Variants in PTPRM observed in about 807,000 individuals in gnomAD.
PTPRM encodes the protein receptor-type tyrosine-protein phosphatase mu.
PTPRM carries 47 observed loss-of-function variants against 186.7 expected under a neutral mutation model. That is an observed-to-expected ratio of 0.25 (90% CI 0.20 to 0.32). The LOEUF is 0.32. Among genes scored for constraint, PTPRM ranks in the 10% least tolerant of loss-of-function variants. PTPRM has a pLI of 1.00. For missense variants in PTPRM, 1,494 were observed against 1,865.0 expected (o/e 0.80, Z 3.66); for synonymous variants, 668 against 674.9 (o/e 0.99, Z 0.16).
chr18:8,187,864 C>T (rs914101269), intron 14 of PTPRM, among the ~76,000 whole-genome samples: 5 of 152,216 alleles, frequency 3.3e-5, no homozygotes, highest in Admixed American at 1.3e-4. Flanking sequence ...AGAGCAGTTC[C>T]ACTGGGCACA....
chr18:8,070,519 A>AT (rs2089404046), intron 8 of PTPRM, among the ~76,000 whole-genome samples: 1 of 152,246 alleles, frequency 6.6e-6, no homozygotes, highest in Non-Finnish European at 1.5e-5. Flanking sequence ...CACAGGAACA[A>AT]TGTTGAAACC....
chr18:7,666,771 A>G (rs772010889), intron 1 of PTPRM, among the ~76,000 whole-genome samples: 1 of 152,244 alleles, frequency 6.6e-6, no homozygotes, highest in South Asian at 2.1e-4. Flanking sequence ...AACAATTTGC[A>G]TAGCAGTTTA....
intron 19 of PTPRM, among the ~76,000 whole-genome samples, chr18:8,277,051 C>G (rs2094844568): frequency 6.6e-6 from 1 of 151,982 alleles, no homozygotes; most frequent in Non-Finnish European, 1.5e-5. Context: ...ATTCTCCTGC[C>G]TCAGCCCCCT....
intron 11 of PTPRM, among the ~76,000 whole-genome samples, chr18:8,094,290 T>C (rs1456472871): frequency 6.6e-6 from 1 of 152,072 alleles, no homozygotes; most frequent in African/African-American, 2.4e-5. Flanking sequence ...GGAGGATTGT[T>C]TGAGCTCAGG....
intron 4 of PTPRM, among the ~76,000 whole-genome samples, chr18:7,923,918 T>G (rs2051019069): frequency 6.6e-6 from 1 of 152,144 alleles, no homozygotes; most frequent in Admixed American, 6.5e-5. Context: ...AGAAGTTCCT[T>G]CAAAAAAAGA....
At chr18:8,400,791 T>G (rs2095868460) in intron 32 of PTPRM, among the ~76,000 whole-genome samples, 1 of 152,160 alleles carries the variant, frequency 6.6e-6, no homozygotes, top group South Asian at 2.1e-4. Context: ...CCTACAGCTC[T>G]CCCCCTTGTG....
At chr18:8,140,878 G>T (rs771903669) in intron 13 of PTPRM, among the ~76,000 whole-genome samples, 1 of 152,120 alleles carries the variant, frequency 6.6e-6, no homozygotes, top group African/African-American at 2.4e-5. Flanking sequence ...TAACAAGACC[G>T]AGGGGGAAAT....
At chr18:8,143,800 A>G in intron 14 of PTPRM, 21 bp downstream of exon 14, 1 of 1,612,838 alleles carries the variant, frequency 6.2e-7, no homozygotes, top group Non-Finnish European at 8.5e-7. Context: ...AGCTGTTGCC[A>G]AAGATACAGT....
intron 14 of PTPRM, among the ~76,000 whole-genome samples, chr18:8,150,733 T>G (rs969398073): frequency 1.3e-5 from 2 of 152,122 alleles, no homozygotes; most frequent in Non-Finnish European, 1.5e-5. Context: ...GACATTCTGG[T>G]TTTGGAATTT....
intron 1 of PTPRM, among the ~76,000 whole-genome samples, chr18:7,739,099 C>T (rs1052552461): frequency 1.4e-4 from 22 of 151,990 alleles, no homozygotes; most frequent in African/African-American, 4.6e-4. Flanking sequence ...AGAAGTGGTT[C>T]GTTGTTGCAC....
At chr18:8,301,939 GC>G (rs771776990) in intron 20 of PTPRM, among the ~76,000 whole-genome samples, 32 of 152,270 alleles carry the variant, frequency 2.1e-4, no homozygotes, top group Non-Finnish European at 4.3e-4. Flanking sequence ...GAGTGTGGCC[GC>G]CCAGGTGGCC....
chr18:8,302,273 G>A (rs2095166967), intron 20 of PTPRM, among the ~76,000 whole-genome samples: 1 of 152,168 alleles, frequency 6.6e-6, no homozygotes, highest in African/African-American at 2.4e-5. Context: ...GGAGCAGGGA[G>A]GATGCTGCAG....
chr18:7,813,751 A>AT (rs1169633893), intron 2 of PTPRM, among the ~76,000 whole-genome samples: 1 of 144,066 alleles, frequency 6.9e-6, no homozygotes, highest in Non-Finnish European at 1.5e-5. Context: ...TTTTTTTCAC[A>AT]TTTTTTCATC....
At chr18:8,098,968 C>T (rs934298230) in intron 11 of PTPRM, among the ~76,000 whole-genome samples, 2 of 152,170 alleles carry the variant, frequency 1.3e-5, no homozygotes, top group Non-Finnish European at 2.9e-5. Flanking sequence ...CTACTCACTT[C>T]CTGGGGCAGC....
chr18:7,616,189 C>T (rs1269705967), intron 1 of PTPRM, among the ~76,000 whole-genome samples: 1 of 152,128 alleles, frequency 6.6e-6, no homozygotes, highest in Non-Finnish European at 1.5e-5. Context: ...CAGGGTCTCA[C>T]TCTGTTGCCA....
intron 1 of PTPRM, among the ~76,000 whole-genome samples, chr18:7,705,321 ATCT>A (rs1217709417): frequency 1.1e-4 from 16 of 143,076 alleles, no homozygotes; most frequent in Admixed American, 4.2e-4. Flanking sequence ...CTATCTATCT[ATCT>A]ATCTGTCTAT....
intron 7 of PTPRM, among the ~76,000 whole-genome samples, chr18:7,959,320 T>C (rs1599727887): frequency 6.6e-6 from 1 of 152,222 alleles, no homozygotes; most frequent in Non-Finnish European, 1.5e-5. Flanking sequence ...ATGATTTCTA[T>C]TGTGGGCTCA....
intron 2 of PTPRM, among the ~76,000 whole-genome samples, chr18:7,806,940 G>A (rs1042026992): frequency 6.6e-6 from 1 of 152,142 alleles, no homozygotes; most frequent in African/African-American, 2.4e-5. Flanking sequence ...TGACTGCATT[G>A]TGTTCTGTGC....
chr18:7,780,200 CA>C (rs1411623771), intron 2 of PTPRM, among the ~76,000 whole-genome samples: 1 of 152,166 alleles, frequency 6.6e-6, no homozygotes, highest in Admixed American at 6.6e-5. Context: ...ACTAAGCAGT[CA>C]ACAACATTTG....
Sources: allele counts gnomAD v4.1 joint callset (sites outside exome capture counted in the v4.1 genomes callset), GRCh38; gene constraint gnomAD v4.1.1; transcripts MANE v1.5; gene names NCBI Gene and HGNC (gene_info 2026-07-23, HGNC 2026-07-21).